RAB3C: variants seen among roughly 807,000 people sequenced by gnomAD.
RAB3C encodes the protein RAB3C, member RAS oncogene family, also known as ras-related protein Rab-3C.
In RAB3C, 17 loss-of-function variants were observed where a neutral mutation model predicts 26.4. The ratio of observed to expected loss-of-function variants is 0.64; its 90% CI spans 0.44 to 0.97. The LOEUF is 0.97. RAB3C is among the 50% of genes least tolerant of loss of function. RAB3C has a pLI of 0.00. For missense variants in RAB3C, 242 were observed against 281.9 expected, an observed-to-expected ratio of 0.86 and a Z score of 1.01; for synonymous variants, 91 against 95.9, an observed-to-expected ratio of 0.95 and a Z score of 0.30.
chr5:58,772,983 T>A (rs1002196710), intron 3 of RAB3C, among the ~76,000 whole-genome samples: 1 of 152,146 alleles, frequency 6.6e-6, no homozygotes, highest in African/African-American at 2.4e-5. Context: ...CATTTTATGC[T>A]TTTCATGCAT....
At chr5:58,768,399 A>T (rs566088902) in intron 3 of RAB3C, among the ~76,000 whole-genome samples, 108 of 151,550 alleles carry the variant, frequency 7.1e-4, no homozygotes, top group Non-Finnish European at 5.5e-4. Context: ...TCATTTAACA[A>T]ATATTGTTGA....
intron 3 of RAB3C, among the ~76,000 whole-genome samples, chr5:58,737,523 C>A (rs1404579297): frequency 1.3e-5 from 2 of 148,538 alleles, no homozygotes; most frequent in Non-Finnish European, 3.0e-5. Flanking sequence ...GAATCTCTGT[C>A]CCTTCTATGC....
At chr5:58,744,112 A>T (rs1741339938) in intron 3 of RAB3C, among the ~76,000 whole-genome samples, 1 of 152,156 alleles carries the variant, frequency 6.6e-6, no homozygotes, top group Non-Finnish European at 1.5e-5. Context: ...GGCCAAAAGG[A>T]TTCATATAAC....
intron 3 of RAB3C, among the ~76,000 whole-genome samples, chr5:58,750,385 C>G (rs1741496812): frequency 2.6e-5 from 4 of 152,172 alleles, no homozygotes. Context: ...TCTTAATTCT[C>G]TTTAAGATTT....
intron 3 of RAB3C, among the ~76,000 whole-genome samples, chr5:58,747,976 G>A (rs181647140): frequency 1.3e-5 from 2 of 152,074 alleles, no homozygotes; most frequent in East Asian, 3.9e-4. Flanking sequence ...AGAAAAAAGA[G>A]TCTATGCTGT....
At chr5:58,839,361 AT>A (rs1278349888) in intron 4 of RAB3C, among the ~76,000 whole-genome samples, 3 of 148,064 alleles carry the variant, frequency 2.0e-5, no homozygotes, top group African/African-American at 7.5e-5. Flanking sequence ...TTATTTATTT[AT>A]TTATTTATTT....
chr5:58,650,391 T>C (rs2032814), intron 2 of RAB3C, among the ~76,000 whole-genome samples: 69,838 of 151,936 alleles, frequency 0.46, 17,433 homozygotes, highest in African/African-American at 0.67. Context: ...GAGAGAAGGC[T>C]AGCATACAGA....
intron 3 of RAB3C, among the ~76,000 whole-genome samples, chr5:58,797,217 G>C (rs1409705978): frequency 6.6e-6 from 1 of 151,036 alleles, no homozygotes; most frequent in African/African-American, 2.4e-5. Context: ...CTCAAATCCA[G>C]TTTTTTGGAT....
chr5:58,719,606 G>A (rs1313189747), intron 2 of RAB3C, among the ~76,000 whole-genome samples: 1 of 151,938 alleles, frequency 6.6e-6, no homozygotes, highest in Non-Finnish European at 1.5e-5. Flanking sequence ...AGTTCCAGAG[G>A]CTGGAAGTTC....
chr5:58,701,156 C>A (rs1170072696), intron 2 of RAB3C, among the ~76,000 whole-genome samples: 1 of 151,976 alleles, frequency 6.6e-6, no homozygotes, highest in Non-Finnish European at 1.5e-5. Flanking sequence ...CCACCATGCC[C>A]AGCTAATTTT....
intron 3 of RAB3C, among the ~76,000 whole-genome samples, chr5:58,730,651 A>G (rs1467558932): frequency 1.3e-5 from 2 of 152,172 alleles, no homozygotes; most frequent in East Asian, 3.9e-4. Flanking sequence ...ATGCACTTTG[A>G]TTATTCAGAA....
Position 58,621,926 on chromosome 5 carries a change from G to A in RAB3C, c.252+4056G>A, listed in dbSNP as rs147511795. 1.3e-3 allele frequency among the ~76,000 whole-genome samples: 196 copies of A among 152,266 alleles called. 1 individual carries two copies. The highest frequency in any genetic ancestry group is 9.1e-3 in the South Asian group (44 of 4,820). ...GAAGGAAGAGCCTGAGTGGGAAAGCGCTCCTCATTTTCTACTTGATGGTTT... is the reference window on the plus strand; with the variant it reads ...GAAGGAAGAGCCTGAGTGGGAAAGCACTCCTCATTTTCTACTTGATGGTTT... On this transcript the variant is annotated intron_variant, in intron 2 of 4. Coordinates refer to ENST00000282878, the MANE Select transcript of RAB3C (RefSeq NM_138453.4).
chr5:58,582,828 CT>C (rs894448602), upstream of RAB3C, among the ~76,000 whole-genome samples: 3 of 152,196 alleles, frequency 2.0e-5, no homozygotes, highest in African/African-American at 7.2e-5. Context: ...TCGCCTGCCC[CT>C]GGCGAGGAAA....
intron 3 of RAB3C, among the ~76,000 whole-genome samples, chr5:58,764,782 C>T (rs528494852): frequency 1.1e-4 from 16 of 152,266 alleles, no homozygotes; most frequent in African/African-American, 3.1e-4. Flanking sequence ...AGGCGAGTAG[C>T]TTATATCTGA....
At chr5:58,605,086 A>G (rs1004577123) in intron 1 of RAB3C, among the ~76,000 whole-genome samples, 3 of 152,128 alleles carry the variant, frequency 2.0e-5, no homozygotes, top group African/African-American at 7.2e-5. Flanking sequence ...CAAACCTTCA[A>G]CTTCTCCAGT....
chr5:58,809,255 T>C (rs1017142564), intron 3 of RAB3C, among the ~76,000 whole-genome samples: 1 of 152,198 alleles, frequency 6.6e-6, no homozygotes, highest in African/African-American at 2.4e-5. Context: ...CCTGGAGAAC[T>C]GTGGCTGTCT....
intron 3 of RAB3C, among the ~76,000 whole-genome samples, chr5:58,754,885 C>CTT (rs5868129): frequency 9.3e-4 from 139 of 149,584 alleles, no homozygotes; most frequent in African/African-American, 3.2e-3. Flanking sequence ...CCTTATTCTC[C>CTT]TTTTTTTTTT....
chr5:58,590,923 T>G (rs1376461926), intron 1 of RAB3C, among the ~76,000 whole-genome samples: 1 of 152,206 alleles, frequency 6.6e-6, no homozygotes, highest in African/African-American at 2.4e-5. Flanking sequence ...AAGTACTGCT[T>G]AAGCTGGCAA....
At chr5:58,837,073 C>A (rs1269016750) in intron 4 of RAB3C, among the ~76,000 whole-genome samples, 1 of 152,164 alleles carries the variant, frequency 6.6e-6, no homozygotes, top group East Asian at 1.9e-4. Context: ...TAATAGCCAT[C>A]CTAACTACGG....
Sources: gnomAD v4.1 joint callset for allele counts (sites outside exome capture counted in the v4.1 genomes callset) on GRCh38, gnomAD v4.1.1 for gene constraint, MANE v1.5 for transcripts, NCBI Gene and HGNC (gene_info 2026-07-23, HGNC 2026-07-21) for gene names.